Variants in SMR3B observed in about 807,000 individuals in gnomAD.
SMR3B encodes the protein submaxillary gland androgen-regulated protein 3B.
For missense variants in SMR3B, 114 were observed against 99.9 expected (o/e 1.14, Z -0.60); for synonymous variants, 42 against 36.1 (o/e 1.16, Z -0.59).
rs1309548250 is a variant in SMR3B at position 70,390,195 on chromosome 4, C to A, written c.*347C>A. 4 of 578,220 alleles carry A rather than the reference C, an allele frequency of 6.9e-6. No homozygotes were observed. The highest frequency in any genetic ancestry group is 1.2e-5 in the Non-Finnish European group (4 of 323,850). The allele number at this position is 578,220 out of a possible 1,614,324, so 35.8% of individuals were successfully genotyped here. On this transcript the variant is annotated 3_prime_UTR_variant, in exon 3 of 3. Coordinates refer to ENST00000304915, the MANE Select transcript of SMR3B (RefSeq NM_006685.4). ...AAAGAAATTGTAGAAAAAACCCATG[C>A]AGACATAACATTTATACCAATGAGG... is the stretch of plus-strand genomic sequence containing the variant.
chr4:70,390,083 A>C lies in SMR3B; in HGVS notation c.*235A>C, dbSNP rs1462173989. 1 of 851,404 alleles carries C rather than the reference A, an allele frequency of 1.2e-6. No homozygotes were observed. The allele number at this position is 851,404 out of a possible 1,614,324, so 52.7% of individuals were successfully genotyped here. ...AAATATGAATTCCAACACTGCTTCC[A>C]AGAGACATTTACATAAAATTGCTTC... On this transcript the variant is annotated 3_prime_UTR_variant, in exon 3 of 3. Coordinates refer to ENST00000304915, the MANE Select transcript of SMR3B (RefSeq NM_006685.4).
intron 2 of SMR3B, among the ~76,000 whole-genome samples, chr4:70,389,280 G>T (rs1732717530): frequency 6.6e-6 from 1 of 152,082 alleles, no homozygotes; most frequent in Admixed American, 6.6e-5. Flanking sequence ...TTTTAAGCTT[G>T]TATGGTTGTT....
chr4:70,383,593 CTTAAT>C (rs1356556389), intron 1 of SMR3B, among the ~76,000 whole-genome samples: 2 of 152,036 alleles, frequency 1.3e-5, no homozygotes, highest in African/African-American at 4.8e-5. Context: ...GTTTTTCAAA[CTTAAT>C]TTAAGAATGG....
At chr4:70,386,486 C>A (rs1732668135) in intron 2 of SMR3B, among the ~76,000 whole-genome samples, 1 of 151,832 alleles carries the variant, frequency 6.6e-6, no homozygotes, top group Non-Finnish European at 1.5e-5. Flanking sequence ...TACTATTAGT[C>A]CCATTAAAAT....
chr4:70,385,495 C>A (rs1385297411), intron 2 of SMR3B, among the ~76,000 whole-genome samples: 1 of 150,504 alleles, frequency 6.6e-6, no homozygotes, highest in African/African-American at 2.5e-5. Flanking sequence ...GCTCCGCCTC[C>A]CGGGTTCGCG....
chr4:70,383,414 A>C (rs373164766), intron 1 of SMR3B, among the ~76,000 whole-genome samples: 10 of 152,126 alleles, frequency 6.6e-5, no homozygotes, highest in African/African-American at 2.2e-4. Context: ...GTCAGAGTAA[A>C]ACATTCATGT....
chr4:70,385,993 G>A (rs894489788), intron 2 of SMR3B, among the ~76,000 whole-genome samples: 3 of 151,132 alleles, frequency 2.0e-5, no homozygotes, highest in African/African-American at 7.3e-5. Context: ...AACTTTCTGG[G>A]CCAGGCACGG....
intron 1 of SMR3B, among the ~76,000 whole-genome samples, chr4:70,383,806 A>G (rs1250132231): frequency 6.6e-6 from 1 of 152,112 alleles, no homozygotes; most frequent in East Asian, 1.9e-4. Context: ...TCAAGCTATC[A>G]TGTACTTGAA....
At chr4:70,389,550 G>A (rs1053833132) in intron 2 of SMR3B, 113 bp from the exon 3 acceptor site, 1 of 1,076,550 alleles carries the variant, frequency 9.3e-7, no homozygotes, top group Admixed American at 2.3e-5. Context: ...TGTGCCAGCA[G>A]GGAGTAGAAA....
rs1037365081 is a variant in SMR3B, at chr4:70,389,717, C to T, written c.109C>T (p.Pro37Ser). ...RGPYPPGPLAPPQPFGPGFVP... is the reference protein window; with the variant it reads ...RGPYPPGPLASPQPFGPGFVP... ...ACCATATCCACCTGGACCGCTGGCT[C>T]CTCCTCAACCTTTTGGCCCAGGATT... Residue 37 changes from proline to serine, a missense_variant, in exon 3 of 3, where the codon CCT becomes TCT. Coordinates refer to ENST00000304915, the MANE Select transcript of SMR3B (RefSeq NM_006685.4). The T allele has an allele frequency of 2.5e-6, 4 of 1,614,102 alleles. No homozygotes were observed. The highest frequency in any genetic ancestry group is 3.4e-6 in the Non-Finnish European group (4 of 1,180,024).
At position 70,389,815 on chromosome 4, in the gene SMR3B, A is replaced by G; in HGVS notation, c.207A>G (p.Pro69=). The G allele has an allele frequency of 2.5e-6, 4 of 1,613,890 alleles. No individual in the cohort carries two copies. The highest frequency in any genetic ancestry group is 3.4e-6 in the Non-Finnish European group (4 of 1,179,962). The change falls in exon 3 of 3, where the codon CCA becomes CCG. Residue 69 remains proline, a synonymous_variant. Coordinates refer to ENST00000304915, the MANE Select transcript of SMR3B (RefSeq NM_006685.4). ...IPPPPPAPYG[P]GIFPPPPPQP Reference sequence around the variant, plus strand: ...CTCCTCCTCCCGCACCCTATGGTCCAGGGATATTTCCACCACCCCCTCCTC... The same window carrying G: ...CTCCTCCTCCCGCACCCTATGGTCCGGGGATATTTCCACCACCCCCTCCTC...
At chr4:70,384,168 C>T (rs905799575) in intron 1 of SMR3B, among the ~76,000 whole-genome samples, 18 of 152,024 alleles carry the variant, frequency 1.2e-4, no homozygotes, top group Non-Finnish European at 1.5e-4. Flanking sequence ...AATAAGTATA[C>T]ATTTTAAAGT....
At chr4:70,384,015 CT>C (rs142616803) in intron 1 of SMR3B, among the ~76,000 whole-genome samples, 10 of 149,214 alleles carry the variant, frequency 6.7e-5, no homozygotes, top group East Asian at 2.0e-4. Flanking sequence ...AGGGTGATTC[CT>C]TTTTTTTTTC....
chr4:70,389,398 A>G (rs548031726), intron 2 of SMR3B, among the ~76,000 whole-genome samples: 54 of 152,218 alleles, frequency 3.5e-4, no homozygotes, highest in African/African-American at 1.3e-3. Flanking sequence ...GTACCTCCAC[A>G]TGGCCCTCCC....
Position 70,390,072 on chromosome 4 carries a change from A to C in SMR3B, c.*224A>C. 3.4e-6 allele frequency: 3 copies of C among 893,790 alleles called. No homozygotes were observed. The highest frequency in any genetic ancestry group is 5.6e-6 in the Non-Finnish European group (3 of 538,710). 55.4% of individuals were successfully genotyped at this position (893,790 alleles called of 1,614,324 possible). A position where few individuals can be genotyped will look rare whatever the true frequency, so the allele number is the denominator to read the frequency against. On this transcript the variant is annotated 3_prime_UTR_variant, in exon 3 of 3. Transcript: ENST00000304915. ...TCTACTACCCAAAATATGAATTCCA[A>C]CACTGCTTCCAAGAGACATTTACAT...
intron 1 of SMR3B, among the ~76,000 whole-genome samples, chr4:70,384,123 C>T (rs1270587936): frequency 2.0e-5 from 3 of 151,434 alleles, no homozygotes; most frequent in African/African-American, 7.3e-5. Flanking sequence ...TATAATGTAT[C>T]TACTATTTTT....
intron 2 of SMR3B, among the ~76,000 whole-genome samples, chr4:70,385,470 C>A (rs992062363): frequency 2.1e-5 from 3 of 145,022 alleles, no homozygotes; most frequent in Admixed American, 1.4e-4. Context: ...GTGGCGCGAT[C>A]TCGGCTCACT....
chr4:70,384,538 C>T lies in SMR3B; in HGVS notation c.28C>T (p.Leu10Phe), dbSNP rs892760032. Residue 10 changes from leucine to phenylalanine, a missense_variant, in exon 2 of 3, where the codon CTT becomes TTT. Physicochemically the swap from Leu to Phe is conservative, Grantham distance 22 (BLOSUM62 0). Transcript: ENST00000304915. MKSLTWILG[L>F]WALAACFTPG... The stretch of plus-strand genomic sequence containing the variant: ...GAAATCACTGACTTGGATCTTGGGC[C>T]TTTGGGCTCTTGCAGCGTGTTTCAC... 6.2e-7 allele frequency: 1 copy of T among 1,610,838 alleles called. No individual in the cohort carries two copies. The highest frequency in any genetic ancestry group is 8.5e-7 in the Non-Finnish European group (1 of 1,178,148).
intron 2 of SMR3B, among the ~76,000 whole-genome samples, chr4:70,387,739 G>C (rs1732690324): frequency 1.3e-5 from 2 of 152,164 alleles, no homozygotes; most frequent in African/African-American, 4.8e-5. Context: ...GGATGAGGTG[G>C]AGAATGTTGA....
Sources: allele counts gnomAD v4.1 joint callset (sites outside exome capture counted in the v4.1 genomes callset), GRCh38; gene constraint gnomAD v4.1.1; transcripts MANE v1.5; gene names NCBI Gene and HGNC (gene_info 2026-07-23, HGNC 2026-07-21).